The following ABCA6 variants were observed in gnomAD, a reference collection of about 807,000 sequenced individuals.
The protein encoded by ABCA6 is ATP-binding cassette sub-family A member 6.
A neutral mutation model predicts 191.2 loss-of-function variants in ABCA6; 164 were observed. The ratio of observed to expected loss-of-function variants is 0.86; its 90% CI spans 0.76 to 0.98. ABCA6 has a LOEUF of 0.98. ABCA6 is among the 50% of genes least tolerant of loss of function. The pLI, the probability that ABCA6 is intolerant of heterozygous loss-of-function variation, is 0.00. For synonymous variants in ABCA6, 636 were observed against 647.7 expected (o/e 0.98, Z 0.27); for missense variants, 1,958 against 1,894.1 (o/e 1.03, Z -0.63).
At chr17:69,108,473 G>A (rs548527139) in intron 17 of ABCA6, 3 of 152,252 alleles carry the variant, frequency 2.0e-5, no homozygotes, top group Admixed American at 6.5e-5. Context: ...AAAATTTTGT[G>A]TATTTTGTGT....
intron 9 of ABCA6, 66 bp downstream of exon 9, chr17:69,124,821 AT>A: frequency 1.1e-6 from 1 of 896,858 alleles, no homozygotes; most frequent in Non-Finnish European, 1.6e-6. Context: ...AGTCTATATA[AT>A]CTTAAAAAAT....
intron 36 of ABCA6, among the ~76,000 whole-genome samples, chr17:69,081,773 G>C (rs766317560): frequency 6.6e-6 from 1 of 152,106 alleles, no homozygotes; most frequent in Non-Finnish European, 1.5e-5. Flanking sequence ...AAAAAACCTC[G>C]GAATCTCCTT....
At chr17:69,119,187 A>C (rs1367078203) in intron 10 of ABCA6, among the ~76,000 whole-genome samples, 1 of 152,090 alleles carries the variant, frequency 6.6e-6, no homozygotes, top group African/African-American at 2.4e-5. Context: ...TCTAATGTGA[A>C]GCCAGGTTTG....
Position 69,140,594 on chromosome 17 carries a change from A to T in ABCA6, c.96+14T>A, listed in dbSNP as rs200080170. ...GAGTGCTAACCGTGGAAAGAGACAA[A>T]TTTTTAAACATACCAATAAGCTCTC... On this transcript the variant is annotated intron_variant, in intron 2 of 38. Coordinates refer to ENST00000284425, the MANE Select transcript of ABCA6 (RefSeq NM_080284.3). 298 of 1,572,458 alleles carry T rather than the reference A, an allele frequency of 1.9e-4. No homozygotes were observed. In the East Asian group the frequency reaches 2.8e-3, roughly 15 times the overall value.
At chr17:69,134,281 C>T (rs550225716) in intron 5 of ABCA6, among the ~76,000 whole-genome samples, 1 of 152,096 alleles carries the variant, frequency 6.6e-6, no homozygotes, top group East Asian at 1.9e-4. Context: ...GAGGGAGAGC[C>T]TTTGGGGTAG....
At position 69,097,978 on chromosome 17, in the gene ABCA6, A is replaced by C; in HGVS notation, c.3062T>G (p.Phe1021Cys). The C allele has an allele frequency of 6.2e-7, 1 of 1,612,160 alleles. No homozygotes were observed. Among genetic ancestry groups the C allele is most frequent in the Non-Finnish European group, 8.5e-7 (1 of 1,179,240 alleles). ...AGGAGAAATGCTACATAGAACCAAA[A>C]ATAAGAAAAAGGAACCATCCGGCAA... ...TGLPDGSFFLFLVLCSISPYI... is the reference protein window; with the variant it reads ...TGLPDGSFFLCLVLCSISPYI... The change falls in exon 23 of 39, where the codon TTT (phenylalanine) becomes TGT (cysteine). Residue 1021 changes from phenylalanine to cysteine, a missense_variant. By Grantham distance (205) the Phe-to-Cys change is radical. Coordinates refer to ENST00000284425, the MANE Select transcript of ABCA6 (RefSeq NM_080284.3).
Position 69,113,352 on chromosome 17 carries a change from A to G in ABCA6, c.1911T>C (p.Leu637=), listed in dbSNP as rs2058128. 0.021 allele frequency: 33,012 copies of G among 1,591,872 alleles called. 5,871 individuals are homozygous for G. In the African/African-American group the frequency reaches 0.39, roughly 19 times the overall value. Residue 637 remains leucine (L), a synonymous_variant, in exon 15 of 39, where the codon CTT becomes CTC. Coordinates refer to ENST00000284425, the MANE Select transcript of ABCA6 (RefSeq NM_080284.3). ...CCAATCCAGTAGTTGGTTCATCTAA[A>G]AGCAAAATCTACAGAGAATGAAGAT... The part of the protein sequence containing the change: ...ITILGDPQIL[L]LDEPTTGLDP...
At chr17:69,129,481 A>G in intron 7 of ABCA6, 129 bp downstream of exon 7, 2 of 738,264 alleles carry the variant, frequency 2.7e-6, no homozygotes, top group East Asian at 2.7e-5. Flanking sequence ...AGTACACACA[A>G]GGACACACAC....
chr17:69,093,744 A>C (rs1441322554), intron 25 of ABCA6, among the ~76,000 whole-genome samples: 1 of 152,180 alleles, frequency 6.6e-6, no homozygotes, highest in Non-Finnish European at 1.5e-5. Flanking sequence ...ATACTAGACA[A>C]TTTTGAATTT....
intron 6 of ABCA6, among the ~76,000 whole-genome samples, chr17:69,132,721 C>A: frequency 1.3e-5 from 2 of 152,186 alleles, no homozygotes; most frequent in East Asian, 1.9e-4. Context: ...CTCAGGTGAT[C>A]CACCCGCCTG....
intron 26 of ABCA6, among the ~76,000 whole-genome samples, chr17:69,090,264 T>A (rs2072895194): frequency 6.6e-6 from 1 of 152,218 alleles, no homozygotes; most frequent in South Asian, 2.1e-4. Context: ...CTTAAAGCCA[T>A]TTCATCCAGA....
chr17:69,098,319 G>T, intron 22 of ABCA6: 1 of 297,618 alleles, frequency 3.4e-6, no homozygotes. Context: ...ACTCACAAGT[G>T]GAAGCAACCC....
intron 21 of ABCA6, among the ~76,000 whole-genome samples, chr17:69,101,565 C>T (rs939778865): frequency 2.0e-5 from 3 of 149,646 alleles, no homozygotes; most frequent in Non-Finnish European, 4.4e-5. Context: ...CACTGCACTC[C>T]AGCCTGGGTG....
At chr17:69,080,285 G>A (rs2072597737) in intron 37 of ABCA6, among the ~76,000 whole-genome samples, 1 of 152,050 alleles carries the variant, frequency 6.6e-6, no homozygotes, top group African/African-American at 2.4e-5. Context: ...ATCCATCATT[G>A]CAGAGACGAA....
chr17:69,088,531 C>T (rs1567999383), intron 27 of ABCA6, among the ~76,000 whole-genome samples: 1 of 152,188 alleles, frequency 6.6e-6, no homozygotes, highest in African/African-American at 2.4e-5. Flanking sequence ...ACTCATGATA[C>T]TCCCACCCAG....
chr17:69,108,074 A>C, intron 17 of ABCA6: 1 of 381,988 alleles, frequency 2.6e-6, no homozygotes, highest in Non-Finnish European at 4.7e-6. Flanking sequence ...TTCTCTGCAG[A>C]AATCTGAACA....
At chr17:69,102,794 T>C (rs762625781) in intron 21 of ABCA6, 41 bp downstream of exon 21, 2 of 1,548,438 alleles carry the variant, frequency 1.3e-6, no homozygotes, top group African/African-American at 1.4e-5. Context: ...TAAAATGTAG[T>C]ACTTTTTGTT....
intron 20 of ABCA6, among the ~76,000 whole-genome samples, chr17:69,103,691 A>T (rs2073229835): frequency 6.6e-6 from 1 of 152,002 alleles, no homozygotes; most frequent in Non-Finnish European, 1.5e-5. Context: ...GTATGCTCTG[A>T]AGCTATAGTC....
intron 1 of ABCA6, 69 bp from the exon 2 acceptor site, chr17:69,140,817 A>G: frequency 2.0e-6 from 1 of 490,624 alleles, no homozygotes; most frequent in South Asian, 5.0e-5. Context: ...ACTACCTTTA[A>G]AAAGTGTAAA....
Sources: allele counts gnomAD v4.1 joint callset (sites outside exome capture counted in the v4.1 genomes callset), GRCh38; gene constraint gnomAD v4.1.1; transcripts MANE v1.5; gene names NCBI Gene and HGNC (gene_info 2026-07-23, HGNC 2026-07-21).